GRM7: variants seen among roughly 807,000 people sequenced by gnomAD.
The protein encoded by GRM7 is glutamate metabotropic receptor 7.
GRM7 carries 35 observed loss-of-function variants against 84.5 expected under a neutral mutation model. The ratio of observed to expected loss-of-function variants is 0.41; its 90% CI spans 0.32 to 0.55. The LOEUF is 0.55. GRM7 is among the 20% of genes least tolerant of loss of function. GRM7 has a pLI of 0.19. For synonymous variants in GRM7, 487 were observed against 455.1 expected, an observed-to-expected ratio of 1.07 and a Z score of -0.89; for missense variants, 1,003 against 1,194.6, an observed-to-expected ratio of 0.84 and a Z score of 2.36.
At chr3:7,401,073 A>G (rs971836182) in intron 4 of GRM7, among the ~76,000 whole-genome samples, 1 of 152,122 alleles carries the variant, frequency 6.6e-6, no homozygotes, top group Non-Finnish European at 1.5e-5. Flanking sequence ...ACATACTTTC[A>G]GAATCTCTCT....
At position 7,229,760 on chromosome 3, in the gene GRM7, T is replaced by TATA. The variant is rs68069165; in HGVS notation, c.737-68924_737-68923insATA. On this transcript the variant is annotated intron_variant, in intron 2 of 9. Transcript: ENST00000357716. Reference sequence around the variant, plus strand: ...ATATATATATATATATATATATATATTTTTTTTTTTTTTTGGTTGACAGGT... The same window carrying TATA: ...ATATATATATATATATATATATATATATATTTTTTTTTTTTTTGGTTGACAGGT... Among the ~76,000 whole-genome samples the TATA allele has an allele frequency of 5.1e-3, 117 of 23,124 alleles. 1 individual carries two copies. Among genetic ancestry groups the TATA allele is most frequent in the Admixed American group, 8.4e-3 (10 of 1,192 alleles). 15.2% of individuals were successfully genotyped at this position (23,124 alleles called of 152,430 possible).
rs530386519 is a variant in GRM7, at chr3:7,382,979, G to C, written c.1034-32044G>C. 6.6e-5 allele frequency among the ~76,000 whole-genome samples: 10 copies of C among 152,240 alleles called. No individual in the cohort carries two copies. The East Asian group carries it at 1.9e-3, about 29-fold the overall frequency. ...TGTGACTTCAAGGAGAGGAAATTGA[G>C]ATTTTTTTCAACCGTACCAAGTGGG... On this transcript the variant is annotated intron_variant, in intron 4 of 9. Coordinates refer to ENST00000357716, the MANE Select transcript of GRM7 (RefSeq NM_000844.4).
intron 2 of GRM7, among the ~76,000 whole-genome samples, chr3:7,248,118 G>C (rs1467277236): frequency 6.6e-6 from 1 of 152,076 alleles, no homozygotes; most frequent in Non-Finnish European, 1.5e-5. Context: ...TATACTCCTA[G>C]TATTTATTTT....
At chr3:7,526,256 A>C (rs188860334) in intron 7 of GRM7, among the ~76,000 whole-genome samples, 14 of 152,208 alleles carry the variant, frequency 9.2e-5, no homozygotes, top group Admixed American at 1.3e-4. Flanking sequence ...AGAAGGTATC[A>C]CATAGTGGTT....
chr3:7,658,724 C>T (rs968410355), intron 8 of GRM7, among the ~76,000 whole-genome samples: 5 of 152,148 alleles, frequency 3.3e-5, no homozygotes, highest in Non-Finnish European at 7.4e-5. Flanking sequence ...GAATAGTCCA[C>T]AGAATGTCAA....
chr3:7,673,111 G>T (rs9852520), intron 8 of GRM7, among the ~76,000 whole-genome samples: 16,573 of 152,128 alleles, frequency 0.11, 1,616 homozygotes, highest in African/African-American at 0.26. Flanking sequence ...TTACATGCTA[G>T]TAACTGTTCT....
At chr3:7,468,822 A>G (rs1386883977) in intron 7 of GRM7, among the ~76,000 whole-genome samples, 2 of 152,094 alleles carry the variant, frequency 1.3e-5, no homozygotes, top group Admixed American at 6.5e-5. Context: ...TCCTGCCACC[A>G]TACAAAGAAG....
chr3:7,011,195 C>G (rs1695357102), intron 1 of GRM7, among the ~76,000 whole-genome samples: 1 of 152,140 alleles, frequency 6.6e-6, no homozygotes, highest in Non-Finnish European at 1.5e-5. Context: ...ATTAAATGAG[C>G]TGACTCATAT....
At position 7,011,295 on chromosome 3, in the gene GRM7, A is replaced by T. The variant is rs569304214; in HGVS notation, c.520-135157A>T. On this transcript the variant is annotated intron_variant, in intron 1 of 9. Transcript: ENST00000357716. ...TAATGTAGACATAAGTGGAAACTTT[A>T]TATGTAGAAGAGCTCTCTGTAAATA... Among the ~76,000 whole-genome samples, 118 of 152,220 alleles carry T rather than the reference A, an allele frequency of 7.8e-4. 1 individual carries two copies. The highest frequency in any genetic ancestry group is 6.3e-4 in the Non-Finnish European group (43 of 68,036).
At chr3:7,715,393 A>G (rs1857696) in intron 9 of GRM7, among the ~76,000 whole-genome samples, 63,023 of 151,992 alleles carry the variant, frequency 0.41, 13,584 homozygotes, top group East Asian at 0.75. Context: ...GGATCACTTG[A>G]ACCCAGGAGT....
At chr3:7,187,642 A>C (rs1695566470) in intron 2 of GRM7, among the ~76,000 whole-genome samples, 2 of 145,596 alleles carry the variant, frequency 1.4e-5, no homozygotes, top group South Asian at 4.3e-4. Context: ...AGCTCAGGGC[A>C]ATTGCAGTCA....
At chr3:7,400,782 G>A (rs1433024851) in intron 4 of GRM7, among the ~76,000 whole-genome samples, 1 of 152,086 alleles carries the variant, frequency 6.6e-6, no homozygotes, top group Admixed American at 6.6e-5. Context: ...TTACCATTTG[G>A]AATCAGGTAG....
At chr3:7,706,063 G>C (rs116580768) in intron 9 of GRM7, among the ~76,000 whole-genome samples, 171 of 152,224 alleles carry the variant, frequency 1.1e-3, no homozygotes, top group African/African-American at 3.9e-3. Flanking sequence ...CACTGGAGAT[G>C]AATTAACTTT....
chr3:7,295,852 G>A (rs931515284), intron 2 of GRM7, among the ~76,000 whole-genome samples: 21 of 151,804 alleles, frequency 1.4e-4, no homozygotes, highest in African/African-American at 4.4e-4. Context: ...TCTGTCATAT[G>A]TAAATAGAAC....
intron 9 of GRM7, among the ~76,000 whole-genome samples, chr3:7,689,493 T>A (rs1446732331): frequency 6.6e-6 from 1 of 152,178 alleles, no homozygotes; most frequent in African/African-American, 2.4e-5. Flanking sequence ...CAGCTATAAA[T>A]CTTTTTGGCA....
At chr3:6,900,350 G>A (rs914889657) in intron 1 of GRM7, among the ~76,000 whole-genome samples, 3 of 152,150 alleles carry the variant, frequency 2.0e-5, no homozygotes, top group Non-Finnish European at 4.4e-5. Flanking sequence ...GAAATCAGTT[G>A]TTTTAAAAGC....
intron 2 of GRM7, among the ~76,000 whole-genome samples, chr3:7,221,770 T>A (rs958153623): frequency 6.6e-6 from 1 of 151,478 alleles, no homozygotes; most frequent in Non-Finnish European, 1.5e-5. Context: ...TTGAGGTACT[T>A]GGAGATGACA....
At chr3:7,460,129 A>C (rs962100309) in intron 6 of GRM7, among the ~76,000 whole-genome samples, 3 of 124,620 alleles carry the variant, frequency 2.4e-5, no homozygotes, top group Admixed American at 2.4e-4. Flanking sequence ...AAAAAAAAAA[A>C]GATGCCAAAC....
chr3:7,561,373 G>T (rs1460569631), intron 7 of GRM7: 1 of 337,818 alleles, frequency 3.0e-6, no homozygotes, highest in African/African-American at 2.1e-5. Context: ...TTGAGGGAAA[G>T]AAAATAGGTG....
Sources: gnomAD v4.1 joint callset for allele counts (sites outside exome capture counted in the v4.1 genomes callset) on GRCh38, gnomAD v4.1.1 for gene constraint, MANE v1.5 for transcripts, NCBI Gene and HGNC (gene_info 2026-07-23, HGNC 2026-07-21) for gene names.